Variants in OGG1 observed in about 807,000 individuals in gnomAD.
OGG1 encodes N-glycosylase/DNA lyase.
OGG1 carries 35 observed loss-of-function variants against 42.3 expected under a neutral mutation model. That is an observed-to-expected ratio of 0.83 (90% CI 0.63 to 1.10). The LOEUF (loss-of-function observed/expected upper bound fraction) is 1.10. Among genes scored for constraint, OGG1 ranks in the 50% least tolerant of loss-of-function variants. OGG1 has a pLI of 0.00. For missense variants in OGG1, 484 were observed against 446.7 expected (o/e 1.08, Z -0.75); for synonymous variants, 189 against 179.0 (o/e 1.06, Z -0.44).
intron 7 of OGG1, among the ~76,000 whole-genome samples, chr3:9,765,465 T>A (rs1432686544): frequency 6.6e-6 from 1 of 152,112 alleles, no homozygotes; most frequent in Non-Finnish European, 1.5e-5. Flanking sequence ...CCAACTGAGA[T>A]ATGTGGGTCC....
exon 8 of OGG1, chr3:9,766,588 C>T: frequency 2.0e-6 from 2 of 984,204 alleles, no homozygotes; most frequent in Non-Finnish European, 2.6e-6. Flanking sequence ...GCTCATTGAA[C>T]TTTAAGAAGC....
intron 2 of OGG1, 91 bp downstream of exon 2, chr3:9,751,283 A>G (rs1044770725): frequency 4.6e-5 from 61 of 1,323,002 alleles, no homozygotes; most frequent in Non-Finnish European, 6.2e-5. Flanking sequence ...TGGGGATTAT[A>G]TCTACTTCAT....
At chr3:9,787,508 C>T (rs2078643959) in intron 3 of OGG1, 3 of 1,071,442 alleles carry the variant, frequency 2.8e-6, no homozygotes, top group Admixed American at 5.8e-5. Context: ...CTGTACTTCA[C>T]ACTCTAGTAA....
At chr3:9,780,670 G>A (rs113364819) in intron 2 of OGG1, 1 of 1,027,640 alleles carries the variant, frequency 9.7e-7, no homozygotes, top group African/African-American at 1.6e-5. Flanking sequence ...GTGTCATACA[G>A]TCGTGACCAA....
chr3:9,776,318 T>C (rs544054236), intron 2 of OGG1, among the ~76,000 whole-genome samples: 1 of 152,196 alleles, frequency 6.6e-6, no homozygotes, highest in African/African-American at 2.4e-5. Flanking sequence ...CCCTCTAAGC[T>C]GTTGTTAAGT....
rs556877176 is a variant in OGG1 at position 9,774,427 on chromosome 3, AAC to A, written c.295-7084_295-7083del. Reference sequence around the variant, plus strand: ...CTGTCTCAAAAAAAAAAAAAAAAAAAACAAAACTTTAACTTTTGTTACTTTTT... The same window carrying A: ...CTGTCTCAAAAAAAAAAAAAAAAAAAAAAACTTTAACTTTTGTTACTTTTT... On this transcript the variant is annotated intron_variant, in intron 2 of 3. Coordinates refer to the OGG1 transcript ENST00000426518. 9.3e-3 allele frequency among the ~76,000 whole-genome samples: 1,327 copies of A among 142,148 alleles called. 14 individuals carry two copies. The highest frequency in any genetic ancestry group is 0.015 in the Non-Finnish European group (981 of 63,400). The allele number at this position is 142,148 out of a possible 152,430, so 93.3% of individuals were successfully genotyped here.
downstream of OGG1, chr3:9,761,895 C>T (rs912529292): frequency 3.5e-5 from 48 of 1,381,240 alleles, no homozygotes; most frequent in Non-Finnish European, 4.6e-5. Flanking sequence ...ATAAGAAAAT[C>T]AAGGAAGCTC....
At chr3:9,764,716 T>C (rs2125589941) in intron 7 of OGG1, among the ~76,000 whole-genome samples, 1 of 135,978 alleles carries the variant, frequency 7.4e-6, no homozygotes, top group Middle Eastern at 4.4e-3. Context: ...CACCGCAACC[T>C]CCACCTCTCG....
At chr3:9,780,313 C>A in intron 2 of OGG1, 1 of 1,559,574 alleles carries the variant, frequency 6.4e-7, no homozygotes, top group South Asian at 1.2e-5. Context: ...GGCCTCCCTT[C>A]CCCTCCCCTA....
At chr3:9,770,842 G>C (rs1575275382), downstream of OGG1, among the ~76,000 whole-genome samples, 2 of 152,090 alleles carry the variant, frequency 1.3e-5, no homozygotes, top group South Asian at 4.2e-4. Flanking sequence ...GCTGAACTGG[G>C]GGCAGCCGGA....
rs1379822527 is a variant in OGG1 at position 9,750,064 on chromosome 3, A to G, written c.-223A>G. 1.6e-5 allele frequency: 10 copies of G among 613,382 alleles called. No homozygotes were observed. Among genetic ancestry groups the G allele is most frequent in the Non-Finnish European group, 2.3e-5 (8 of 353,986 alleles). 38.0% of individuals were successfully genotyped at this position (613,382 alleles called of 1,614,324 possible). A position where few individuals can be genotyped will look rare whatever the true frequency, so the allele number is the denominator to read the frequency against. The stretch of plus-strand genomic sequence containing the variant: ...AAGGAGGGGGCGGGACCTACACCTC[A>G]GGAAAGCCGGAGAATTGGGGCACGA... On this transcript the variant is annotated 5_prime_UTR_variant, in exon 1 of 7. Transcript: ENST00000344629.
Position 9,750,967 on chromosome 3 carries a change from C to T in OGG1, c.160C>T (p.His54Tyr), listed in dbSNP as rs765255729. 2.5e-6 allele frequency: 4 copies of T among 1,614,072 alleles called. No individual in the cohort carries two copies. The Admixed American group carries it at 5.0e-5, about 20-fold the overall frequency. Residue 54 changes from histidine to tyrosine, a missense_variant, in exon 2 of 7, where the codon CAC becomes TAC. Physicochemically the swap from His to Tyr is moderately conservative, Grantham distance 83. Coordinates refer to ENST00000344629, the MANE Select transcript of OGG1 (RefSeq NM_002542.6). ...SFRWREQSPAHWSGVLADQVW... is the reference protein window; with the variant it reads ...SFRWREQSPAYWSGVLADQVW... Reference sequence around the variant, plus strand: ...CAGGTGGAGGGAGCAAAGTCCTGCACACTGGAGTGGTGTACTAGCGGATCA... The same window carrying T: ...CAGGTGGAGGGAGCAAAGTCCTGCATACTGGAGTGGTGTACTAGCGGATCA...
In OGG1 at chr3:9,751,083, G is replaced by T; in HGVS notation, c.276G>T (p.Glu92Asp). 1 of 1,614,094 alleles carries T rather than the reference G, an allele frequency of 6.2e-7. No homozygotes were observed. Among genetic ancestry groups the T allele is most frequent in the East Asian group, 2.2e-5 (1 of 44,886 alleles). Residue 92 changes from glutamate (E) to aspartate (D), a missense_variant, in exon 2 of 7, where the codon GAG becomes GAT. Physicochemically the swap from Glu to Asp is conservative, Grantham distance 45. Transcript: ENST00000344629. The stretch of plus-strand genomic sequence containing the variant: ...AGGCTAGCAGGCCCACACCAGACGA[G>T]CTGGAGGCCGTGCGCAAGTACTTCC... ...KSQASRPTPDELEAVRKYFQL... is the reference protein window; with the variant it reads ...KSQASRPTPDDLEAVRKYFQL...
At chr3:9,750,536 C>A in intron 1 of OGG1, 113 bp downstream of exon 1, 1 of 1,484,958 alleles carries the variant, frequency 6.7e-7, no homozygotes, top group Non-Finnish European at 9.2e-7. Context: ...ACCCGGGGTA[C>A]AAAAGAGGAA....
rs772446575 is a variant in OGG1 at position 9,757,371 on chromosome 3, A to G, written c.*221A>G. On this transcript the variant is annotated 3_prime_UTR_variant, in exon 7 of 7. Transcript: ENST00000344629. The surrounding 1 kb of genome is among the most constrained non-coding windows in gnomAD (Gnocchi z 4.5). ...ATGGTTTTATCTTCCCTTTATTACA[A>G]GAAGGAACAATAAAATAGAAACATT... 3.7e-6 allele frequency: 6 copies of G among 1,613,686 alleles called. No individual in the cohort carries two copies. The Admixed American group carries it at 1.0e-4, about 27-fold the overall frequency.
chr3:9,758,991 C>G, downstream of OGG1: 1 of 602,152 alleles, frequency 1.7e-6, no homozygotes, highest in Non-Finnish European at 3.0e-6. Flanking sequence ...CCTCAGTGCC[C>G]TCAGGATCAA....
At chr3:9,776,390 T>TTTTC (rs1269069552) in intron 2 of OGG1, among the ~76,000 whole-genome samples, 12 of 80,548 alleles carry the variant, frequency 1.5e-4, no homozygotes, top group African/African-American at 6.3e-4. Flanking sequence ...TTTCTTTTCT[T>TTTTC]TTTTTTTTTT....
chr3:9,750,996 A>G lies in OGG1; in HGVS notation c.189A>G (p.Val63=), dbSNP rs770341466. 1 of 1,614,090 alleles carries G rather than the reference A, an allele frequency of 6.2e-7. No homozygotes were observed. The highest frequency in any genetic ancestry group is 1.1e-5 in the South Asian group (1 of 91,064). Residue 63 remains valine, a synonymous_variant, in exon 2 of 7, where the codon GTA becomes GTG. Coordinates refer to ENST00000344629, the MANE Select transcript of OGG1 (RefSeq NM_002542.6). ...GGAGTGGTGTACTAGCGGATCAAGT[A>G]TGGACACTGACTCAGACTGAGGAGC... ...AHWSGVLADQ[V]WTLTQTEEQL...
At chr3:9,769,341 C>G (rs749654063), downstream of OGG1, among the ~76,000 whole-genome samples, 10 of 152,092 alleles carry the variant, frequency 6.6e-5, no homozygotes, top group Non-Finnish European at 1.5e-4. Flanking sequence ...AACCAAACCC[C>G]AAGTCCTTAC....
Sources: allele counts gnomAD v4.1 joint callset (sites outside exome capture counted in the v4.1 genomes callset), GRCh38; gene constraint gnomAD v4.1.1; non-coding constraint Gnocchi (gnomAD v3.1); transcripts MANE v1.5; gene names NCBI Gene and HGNC (gene_info 2026-07-23, HGNC 2026-07-21).